The following LGR5 variants were observed in gnomAD, a reference collection of about 807,000 sequenced individuals.
LGR5 encodes leucine rich repeat containing G protein-coupled receptor 5.
A neutral mutation model predicts 76.7 loss-of-function variants in LGR5; 54 were observed. The observed-to-expected ratio is 0.70, with a 90% CI of 0.57 to 0.88. The LOEUF is 0.88. LGR5 is among the 40% of genes least tolerant of loss of function. LGR5 has a pLI of 0.00. For synonymous variants in LGR5, 406 were observed against 421.9 expected, an observed-to-expected ratio of 0.96 and a Z score of 0.46; for missense variants, 1,078 against 1,073.3, an observed-to-expected ratio of 1.00 and a Z score of -0.06.
At chr12:71,488,905 A>G (rs1873948340) in intron 1 of LGR5, among the ~76,000 whole-genome samples, 1 of 152,218 alleles carries the variant, frequency 6.6e-6, no homozygotes, top group African/African-American at 2.4e-5. Flanking sequence ...TAATTGTTTC[A>G]TAACCTGTCT....
intron 11 of LGR5, among the ~76,000 whole-genome samples, chr12:71,570,641 T>C (rs1050440521): frequency 6.6e-6 from 1 of 152,150 alleles, no homozygotes; most frequent in Admixed American, 6.5e-5. Flanking sequence ...CAAATTTGGA[T>C]TTACAAGCAG....
intron 2 of LGR5, among the ~76,000 whole-genome samples, chr12:71,510,887 G>A (rs751544481): frequency 1.3e-5 from 2 of 152,146 alleles, no homozygotes; most frequent in South Asian, 2.1e-4. Flanking sequence ...TGGGAAGAAC[G>A]TGATGTGTTT....
intron 1 of LGR5, among the ~76,000 whole-genome samples, chr12:71,449,155 G>A (rs573521406): frequency 6.6e-6 from 1 of 152,182 alleles, no homozygotes; most frequent in African/African-American, 2.4e-5. Flanking sequence ...AGAACTGAAA[G>A]GATGCCTTTT....
At chr12:71,471,951 C>G (rs1873121428) in intron 1 of LGR5, among the ~76,000 whole-genome samples, 5 of 152,134 alleles carry the variant, frequency 3.3e-5, no homozygotes, top group Admixed American at 6.5e-5. Context: ...GTCTTTGTGT[C>G]TTAGTGACAT....
chr12:71,561,642 T>C (rs755225023), intron 7 of LGR5, 139 bp from the exon 8 acceptor site: 1 of 451,628 alleles, frequency 2.2e-6, no homozygotes, highest in Non-Finnish European at 3.9e-6. Flanking sequence ...GCACCTAAGT[T>C]TCAAGATGCA....
At chr12:71,502,818 T>G (rs892383668) in intron 1 of LGR5, among the ~76,000 whole-genome samples, 1 of 152,124 alleles carries the variant, frequency 6.6e-6, no homozygotes, top group Non-Finnish European at 1.5e-5. Context: ...TAACAAATAT[T>G]AAAAATAATG....
chr12:71,584,316 C>G lies in LGR5; in HGVS notation c.2306C>G (p.Ala769Gly). ...GACTGCTCTATGGTAAAACACATTG[C>G]CCTGTTGCTCTTCACCAACTGCATC... is the stretch of plus-strand genomic sequence containing the variant. ...IWDCSMVKHI[A>G]LLLFTNCILN... Residue 769 changes from alanine (A) to glycine (G), a missense_variant, in exon 18 of 18, where the codon GCC becomes GGC. Ala to Gly is a moderately conservative substitution (Grantham distance 60). Transcript: ENST00000266674. The G allele has an allele frequency of 6.2e-7, 1 of 1,614,172 alleles. No individual in the cohort carries two copies. The highest frequency in any genetic ancestry group is 8.5e-7 in the Non-Finnish European group (1 of 1,179,992).
At chr12:71,583,418 A>C (rs1879174591) in intron 17 of LGR5, 1 of 523,644 alleles carries the variant, frequency 1.9e-6, no homozygotes, top group Non-Finnish European at 3.4e-6. Flanking sequence ...TCATTTCTCC[A>C]TCAATACCCT....
intron 1 of LGR5, among the ~76,000 whole-genome samples, chr12:71,478,491 C>G (rs1264146110): frequency 6.6e-6 from 1 of 152,168 alleles, no homozygotes; most frequent in Admixed American, 6.5e-5. Flanking sequence ...CTTCTGGAAC[C>G]TTGGTTAAAT....
chr12:71,504,706 G>C, intron 2 of LGR5, 21 bp downstream of exon 2: 1 of 1,563,500 alleles, frequency 6.4e-7, no homozygotes. Context: ...CTGTAGTCTT[G>C]ATGCATCCAG....
intron 11 of LGR5, among the ~76,000 whole-genome samples, chr12:71,570,303 C>G (rs1878546764): frequency 6.6e-6 from 1 of 152,090 alleles, no homozygotes; most frequent in African/African-American, 2.4e-5. Flanking sequence ...ACATGTACCC[C>G]AGAATTTTAA....
intron 1 of LGR5, among the ~76,000 whole-genome samples, chr12:71,482,145 A>G (rs975687158): frequency 7.2e-5 from 11 of 152,204 alleles, no homozygotes; most frequent in Non-Finnish European, 1.3e-4. Flanking sequence ...GGCAAACCTA[A>G]TAGTTTTCTG....
Position 71,584,084 on chromosome 12 carries a change from G to C in LGR5, c.2074G>C (p.Ala692Pro). The C allele has an allele frequency of 6.2e-7, 1 of 1,614,186 alleles. No individual in the cohort carries two copies. The highest frequency in any genetic ancestry group is 8.5e-7 in the Non-Finnish European group (1 of 1,180,040). ...AATCATTTTGCTCTGTGCCCTGCTG[G>C]CCTTGACCATGGCCGCAGTTCCCCT... ...KVIILLCALL[A>P]LTMAAVPLLG... The change falls in exon 18 of 18, where the codon GCC becomes CCC. Residue 692 changes from alanine to proline, a missense_variant. Ala to Pro is a conservative substitution (Grantham distance 27). Coordinates refer to ENST00000266674, the MANE Select transcript of LGR5 (RefSeq NM_003667.4).
chr12:71,464,892 T>C (rs1044372259), intron 1 of LGR5, among the ~76,000 whole-genome samples: 4 of 152,068 alleles, frequency 2.6e-5, no homozygotes, highest in Non-Finnish European at 4.4e-5. Flanking sequence ...TCCTGGGGTG[T>C]ACCTTCAGGA....
Position 71,440,391 on chromosome 12 carries a change from G to C in LGR5, c.212+99G>C. 9 of 1,154,802 alleles carry C rather than the reference G, an allele frequency of 7.8e-6. No homozygotes were observed. The highest frequency in any genetic ancestry group is 3.9e-5 in the Admixed American group (2 of 51,548). 71.5% of individuals were successfully genotyped at this position (1,154,802 alleles called of 1,614,324 possible). A position where few individuals can be genotyped will look rare whatever the true frequency, so the allele number is the denominator to read the frequency against. ...GGCTCCTCGGCGCCCGCCTGCTCGT[G>C]GGGGAGGGGGGCGAGTTTGTCAAGG... On this transcript the variant is annotated intron_variant, in intron 1 of 17. Coordinates refer to ENST00000266674, the MANE Select transcript of LGR5 (RefSeq NM_003667.4). The surrounding 1 kb of genome is among the most constrained non-coding windows in gnomAD (Gnocchi z 5.3).
At position 71,520,464 on chromosome 12, in the gene LGR5, G is replaced by T. The variant is rs546293195; in HGVS notation, c.285-3942G>T. On this transcript the variant is annotated intron_variant, in intron 2 of 17. Transcript: ENST00000266674. The stretch of plus-strand genomic sequence containing the variant: ...TTGTTGGGGATAATCAAAAATTTGG[G>T]TATAGATAGTGGTGATGGTTAGACT... Among the ~76,000 whole-genome samples the T allele has an allele frequency of 2.0e-5, 3 of 152,218 alleles. No individual in the cohort carries two copies. In the South Asian group the frequency reaches 6.2e-4, roughly 32 times the overall value.
chr12:71,573,611 A>G (rs1017851812), intron 13 of LGR5, among the ~76,000 whole-genome samples: 6 of 152,220 alleles, frequency 3.9e-5, no homozygotes, highest in Non-Finnish European at 7.3e-5. Flanking sequence ...TTTCAATATG[A>G]TTTTGATGAA....
intron 4 of LGR5, among the ~76,000 whole-genome samples, chr12:71,541,630 T>C (rs1349389358): frequency 6.6e-6 from 1 of 152,240 alleles, no homozygotes; most frequent in East Asian, 1.9e-4. Flanking sequence ...TGCACTTCCA[T>C]GGTTATCAAA....
At chr12:71,516,597 AC>A (rs35831347) in intron 2 of LGR5, among the ~76,000 whole-genome samples, 133,908 of 151,740 alleles carry the variant, frequency 0.88, 59,190 homozygotes, top group East Asian at 0.97. Context: ...TTGCTCTCAT[AC>A]CTCCATTTTA....
Sources: allele counts gnomAD v4.1 joint callset (sites outside exome capture counted in the v4.1 genomes callset), GRCh38; gene constraint gnomAD v4.1.1; non-coding constraint Gnocchi (gnomAD v3.1); transcripts MANE v1.5; gene names NCBI Gene and HGNC (gene_info 2026-07-23, HGNC 2026-07-21).